The following SNTG2 variants were observed in gnomAD, a reference collection of about 807,000 sequenced individuals.
SNTG2 encodes the protein syntrophin gamma 2.
In SNTG2, 74 loss-of-function variants were observed where a neutral mutation model predicts 70.9. The observed-to-expected ratio is 1.04, with a 90% CI of 0.86 to 1.27. The LOEUF is 1.27. SNTG2 is among the 50% of genes most tolerant of loss of function. The pLI is 0.00. For synonymous variants in SNTG2, 278 were observed against 273.8 expected, an observed-to-expected ratio of 1.02 and a Z score of -0.15; for missense variants, 717 against 690.7, an observed-to-expected ratio of 1.04 and a Z score of -0.43.
chr2:953,240 T>C (rs7576093), intron 1 of SNTG2, among the ~76,000 whole-genome samples: 3,186 of 152,300 alleles, frequency 0.021, 101 homozygotes, highest in African/African-American at 0.074. Context: ...ATTTGAGGGG[T>C]AAAATCCCAC....
intron 8 of SNTG2, among the ~76,000 whole-genome samples, chr2:1,173,783 G>A (rs1288732659): frequency 6.6e-6 from 1 of 152,256 alleles, no homozygotes; most frequent in African/African-American, 2.4e-5. Flanking sequence ...AGCTCCCTGG[G>A]ACACAGGGCT....
intron 2 of SNTG2, among the ~76,000 whole-genome samples, chr2:1,095,709 T>C (rs1442285910): frequency 6.6e-6 from 1 of 152,196 alleles, no homozygotes; most frequent in Non-Finnish European, 1.5e-5. Flanking sequence ...AACTAACTTG[T>C]TTCTTCTCAA....
At chr2:1,338,257 T>A (rs1372111489) in intron 16 of SNTG2, among the ~76,000 whole-genome samples, 1 of 152,248 alleles carries the variant, frequency 6.6e-6, no homozygotes, top group African/African-American at 2.4e-5. Context: ...GGAGAATGTA[T>A]TGAATCTGAG....
intron 1 of SNTG2, among the ~76,000 whole-genome samples, chr2:964,796 G>A (rs1660470487): frequency 6.6e-6 from 1 of 152,168 alleles, no homozygotes; most frequent in Non-Finnish European, 1.5e-5. Flanking sequence ...GAGCAGCCTT[G>A]CCGTCCACTG....
At chr2:1,168,404 T>C (rs1385879400) in intron 7 of SNTG2, among the ~76,000 whole-genome samples, 2 of 152,212 alleles carry the variant, frequency 1.3e-5, no homozygotes, top group African/African-American at 4.8e-5. Context: ...CACCCCTAGA[T>C]GCTGCCAGGG....
At chr2:1,246,013 T>C (rs1238964277) in intron 11 of SNTG2, among the ~76,000 whole-genome samples, 1 of 152,176 alleles carries the variant, frequency 6.6e-6, no homozygotes, top group Non-Finnish European at 1.5e-5. Flanking sequence ...ATTAACCCCA[T>C]ACCACATCTA....
intron 1 of SNTG2, among the ~76,000 whole-genome samples, chr2:1,017,925 C>G (rs983824521): frequency 3.9e-5 from 6 of 152,132 alleles, no homozygotes; most frequent in African/African-American, 1.4e-4. Flanking sequence ...CTCATAACTT[C>G]CATATTTTTC....
intron 1 of SNTG2, among the ~76,000 whole-genome samples, chr2:973,935 C>T (rs1660829506): frequency 1.3e-5 from 2 of 152,130 alleles, no homozygotes; most frequent in Admixed American, 6.5e-5. Context: ...TCATTAAACT[C>T]GTCTCTTACA....
At chr2:1,224,232 A>G (rs1205395146) in intron 9 of SNTG2, among the ~76,000 whole-genome samples, 1 of 152,208 alleles carries the variant, frequency 6.6e-6, no homozygotes, top group Non-Finnish European at 1.5e-5. Context: ...GCCACGTTCA[A>G]TCCACTGGGA....
At chr2:1,282,950 C>CA (rs1399470811) in intron 14 of SNTG2, among the ~76,000 whole-genome samples, 1 of 152,160 alleles carries the variant, frequency 6.6e-6, no homozygotes, top group African/African-American at 2.4e-5. Flanking sequence ...AAATTAAGAT[C>CA]AAAAATAGCC....
chr2:1,102,636 C>T (rs1369472277), intron 4 of SNTG2: 1 of 152,334 alleles, frequency 6.6e-6, no homozygotes, highest in Non-Finnish European at 1.5e-5. Flanking sequence ...ACAGCAGGGG[C>T]TCCGTGCTGC....
chr2:1,069,848 C>G (rs1663408212), intron 1 of SNTG2, among the ~76,000 whole-genome samples: 1 of 152,042 alleles, frequency 6.6e-6, no homozygotes, highest in Non-Finnish European at 1.5e-5. Flanking sequence ...AGAAAGCTGT[C>G]TAGTTGATAA....
At chr2:1,102,917 G>A (rs966505439) in intron 4 of SNTG2, among the ~76,000 whole-genome samples, 3 of 152,204 alleles carry the variant, frequency 2.0e-5, no homozygotes, top group Non-Finnish European at 4.4e-5. Flanking sequence ...TCGCGAAGTG[G>A]CTCGTGAGCC....
chr2:1,127,726 A>G (rs1667789286), intron 4 of SNTG2, among the ~76,000 whole-genome samples: 1 of 152,028 alleles, frequency 6.6e-6, no homozygotes. Flanking sequence ...TGGCTATTGT[A>G]AATGGGATTG....
chr2:1,033,037 A>G (rs907456389), intron 1 of SNTG2, among the ~76,000 whole-genome samples: 1 of 152,150 alleles, frequency 6.6e-6, no homozygotes, highest in Non-Finnish European at 1.5e-5. Flanking sequence ...ACTTTTAAAC[A>G]GTCACATCTT....
At chr2:1,206,925 A>G (rs1572724236) in intron 8 of SNTG2, among the ~76,000 whole-genome samples, 1 of 152,324 alleles carries the variant, frequency 6.6e-6, no homozygotes, top group East Asian at 1.9e-4. Flanking sequence ...GCAAACAGAT[A>G]GCACACTGTA....
chr2:1,109,905 G>A (rs1056165507), intron 4 of SNTG2, among the ~76,000 whole-genome samples: 3 of 152,146 alleles, frequency 2.0e-5, no homozygotes, highest in African/African-American at 4.8e-5. Context: ...CAAGACGAAC[G>A]CGAACCTTCA....
intron 1 of SNTG2, among the ~76,000 whole-genome samples, chr2:1,063,820 G>A (rs948531848): frequency 6.6e-6 from 1 of 152,278 alleles, no homozygotes; most frequent in South Asian, 2.1e-4. Context: ...ATGGATAATA[G>A]CAGAGTCCGA....
intron 1 of SNTG2, among the ~76,000 whole-genome samples, chr2:1,009,660 C>T (rs113385762): frequency 1.7e-5 from 2 of 118,830 alleles, no homozygotes; most frequent in Non-Finnish European, 3.7e-5. Flanking sequence ...ACCTGTGTCC[C>T]CAGGAAGACT....
Sources: gnomAD v4.1 joint callset for allele counts (sites outside exome capture counted in the v4.1 genomes callset) on GRCh38, gnomAD v4.1.1 for gene constraint, MANE v1.5 for transcripts, NCBI Gene and HGNC (gene_info 2026-07-23, HGNC 2026-07-21) for gene names.